CNTNAP5: variants seen among roughly 807,000 people sequenced by gnomAD.
CNTNAP5 encodes contactin-associated protein-like 5.
In CNTNAP5, 72 loss-of-function variants were observed where a neutral mutation model predicts 150.2. That is an observed-to-expected ratio of 0.48 (90% CI 0.40 to 0.58). The LOEUF is 0.58. CNTNAP5 is among the 20% of genes least tolerant of loss of function. CNTNAP5 has a pLI of 0.00. For missense variants in CNTNAP5, 1,636 were observed against 1,626.2 expected, an observed-to-expected ratio of 1.01 and a Z score of -0.10; for synonymous variants, 672 against 619.8, an observed-to-expected ratio of 1.08 and a Z score of -1.25.
At chr2:124,251,291 C>T (rs921431977) in intron 3 of CNTNAP5, among the ~76,000 whole-genome samples, 3 of 136,478 alleles carry the variant, frequency 2.2e-5, no homozygotes. Context: ...AGTTTTCCCC[C>T]ACCCCCCCAA....
At chr2:124,416,254 T>C (rs868731835) in intron 3 of CNTNAP5, among the ~76,000 whole-genome samples, 1 of 152,168 alleles carries the variant, frequency 6.6e-6, no homozygotes, top group Non-Finnish European at 1.5e-5. Context: ...ACTTCTTTAG[T>C]TGTATGTCAA....
chr2:124,513,593 T>G (rs1236011426), intron 8 of CNTNAP5, among the ~76,000 whole-genome samples: 1 of 152,232 alleles, frequency 6.6e-6, no homozygotes, highest in East Asian at 1.9e-4. Context: ...AATACACTAG[T>G]GGAGTTGACC....
chr2:124,036,551 T>A lies in CNTNAP5; in HGVS notation c.82+10819T>A, dbSNP rs547223480. Among the ~76,000 whole-genome samples the A allele has an allele frequency of 2.0e-5, 3 of 152,238 alleles. No individual in the cohort carries two copies. The East Asian group carries it at 5.8e-4, about 30-fold the overall frequency. On this transcript the variant is annotated intron_variant, in intron 1 of 23. Transcript: ENST00000682447. ...TTCTGATAGGCTGAAACCACCAGGA[T>A]ATTAAAAGATTAATGCCTCTGATTC...
At chr2:124,182,710 T>C (rs1685238865) in intron 1 of CNTNAP5, among the ~76,000 whole-genome samples, 1 of 152,208 alleles carries the variant, frequency 6.6e-6, no homozygotes. Flanking sequence ...ATTTGTCATA[T>C]AACATTTCAC....
At chr2:124,625,519 A>C (rs904642110) in intron 12 of CNTNAP5, among the ~76,000 whole-genome samples, 10 of 152,200 alleles carry the variant, frequency 6.6e-5, no homozygotes, top group African/African-American at 2.4e-4. Context: ...AAGATACTGG[A>C]CTTTGGGATA....
intron 1 of CNTNAP5, among the ~76,000 whole-genome samples, chr2:124,090,049 C>T (rs1312517530): frequency 6.6e-6 from 1 of 152,102 alleles, no homozygotes; most frequent in Non-Finnish European, 1.5e-5. Context: ...CAGAATTGAC[C>T]ATTATATCAT....
At chr2:124,028,411 G>C (rs1014706098) in intron 1 of CNTNAP5, among the ~76,000 whole-genome samples, 1 of 151,974 alleles carries the variant, frequency 6.6e-6, no homozygotes, top group Non-Finnish European at 1.5e-5. Flanking sequence ...CCCAATTATA[G>C]ATTTTATAAG....
At chr2:124,505,323 G>C (rs1442508925) in intron 8 of CNTNAP5, among the ~76,000 whole-genome samples, 1 of 152,094 alleles carries the variant, frequency 6.6e-6, no homozygotes, top group Non-Finnish European at 1.5e-5. Context: ...AAGTGATGGA[G>C]CTGGGAATTT....
chr2:124,070,179 C>A (rs1682265336), intron 1 of CNTNAP5, among the ~76,000 whole-genome samples: 1 of 151,380 alleles, frequency 6.6e-6, no homozygotes, highest in African/African-American at 2.4e-5. Flanking sequence ...CAAAAACATA[C>A]AACAAATACA....
chr2:124,046,380 C>T (rs150849700), intron 1 of CNTNAP5, among the ~76,000 whole-genome samples: 3,012 of 147,470 alleles, frequency 0.02, 37 homozygotes, highest in Non-Finnish European at 0.029. Flanking sequence ...TTACTCAGAG[C>T]CTTTCCCTTT....
intron 11 of CNTNAP5, among the ~76,000 whole-genome samples, chr2:124,595,834 C>A (rs1171349174): frequency 4.4e-5 from 6 of 137,794 alleles, no homozygotes; most frequent in Admixed American, 7.6e-5. Context: ...TTGGTCTATT[C>A]AGAGATTCAA....
intron 8 of CNTNAP5, among the ~76,000 whole-genome samples, chr2:124,515,173 C>T (rs1573428224): frequency 6.6e-6 from 1 of 152,166 alleles, no homozygotes; most frequent in African/African-American, 2.4e-5. Flanking sequence ...GGCTAATGCT[C>T]ACATGAGGGC....
chr2:124,264,465 C>A (rs1337724930), intron 3 of CNTNAP5, among the ~76,000 whole-genome samples: 1 of 151,418 alleles, frequency 6.6e-6, no homozygotes, highest in East Asian at 1.9e-4. Flanking sequence ...AGATTAGGTT[C>A]AAAGACACCA....
chr2:124,373,510 T>C (rs1009052380), intron 3 of CNTNAP5, among the ~76,000 whole-genome samples: 4 of 151,942 alleles, frequency 2.6e-5, no homozygotes, highest in Admixed American at 1.3e-4. Context: ...CACTGATAAA[T>C]TGAGATTTTT....
chr2:124,095,511 A>T (rs945591941), intron 1 of CNTNAP5, among the ~76,000 whole-genome samples: 1 of 152,030 alleles, frequency 6.6e-6, no homozygotes, highest in African/African-American at 2.4e-5. Context: ...TAAAGTTAAA[A>T]AAAAAGCTGC....
At chr2:124,531,277 GT>G (rs1695100416) in intron 10 of CNTNAP5, among the ~76,000 whole-genome samples, 1 of 152,114 alleles carries the variant, frequency 6.6e-6, no homozygotes, top group Non-Finnish European at 1.5e-5. Flanking sequence ...AGGCAGTAAT[GT>G]GAGTGACGAG....
chr2:124,282,485 T>G (rs963270861), intron 3 of CNTNAP5, among the ~76,000 whole-genome samples: 2 of 152,204 alleles, frequency 1.3e-5, no homozygotes, highest in African/African-American at 4.8e-5. Flanking sequence ...TTCTGACTGA[T>G]GCAGATCTCT....
chr2:124,456,322 TAAATA>T (rs1693118724), intron 6 of CNTNAP5, among the ~76,000 whole-genome samples: 1 of 151,636 alleles, frequency 6.6e-6, no homozygotes, highest in African/African-American at 2.4e-5. Flanking sequence ...AATAAATAAA[TAAATA>T]AATAAATAAA....
chr2:124,656,068 A>G (rs1678451079), intron 13 of CNTNAP5, among the ~76,000 whole-genome samples: 1 of 151,948 alleles, frequency 6.6e-6, no homozygotes, highest in Non-Finnish European at 1.5e-5. Flanking sequence ...CTCAAAAAAA[A>G]AAAAAAAAGA....
Sources: gnomAD v4.1 joint callset for allele counts (sites outside exome capture counted in the v4.1 genomes callset) on GRCh38, gnomAD v4.1.1 for gene constraint, MANE v1.5 for transcripts, NCBI Gene and HGNC (gene_info 2026-07-23, HGNC 2026-07-21) for gene names.